Variants in RERE observed in about 807,000 individuals in gnomAD.
RERE encodes arginine-glutamic acid dipeptide repeats.
In RERE, 40 loss-of-function variants were observed where a neutral mutation model predicts 146.1. That is an observed-to-expected ratio of 0.27 (90% confidence interval 0.21 to 0.36). The LOEUF (loss-of-function observed/expected upper bound fraction) is 0.36, where lower values mean the gene tolerates loss of function less well. RERE is among the 10% of genes least tolerant of loss of function. The pLI is 1.00. For synonymous variants in RERE, 1,003 were observed against 866.0 expected, an observed-to-expected ratio of 1.16 and a Z score of -2.78; for missense variants, 1,933 against 2,138.7, an observed-to-expected ratio of 0.90 and a Z score of 1.90.
At chr1:8,506,373 A>C (rs957284070) in intron 8 of RERE, among the ~76,000 whole-genome samples, 1 of 152,266 alleles carries the variant, frequency 6.6e-6, no homozygotes, top group African/African-American at 2.4e-5. Flanking sequence ...TATCTTCTAT[A>C]AACTATGTGA....
rs1032929798 is a variant in RERE at position 8,767,763 on chromosome 1, C to T, written c.-145+49397G>A. 5.3e-5 allele frequency among the ~76,000 whole-genome samples: 8 copies of T among 151,802 alleles called. 1 individual carries two copies. Among genetic ancestry groups the T allele is most frequent in the African/African-American group, 1.9e-4 (8 of 41,310 alleles). Reference sequence around the variant, plus strand: ...GATCACTTGAAGGTCAGGAGTTCAACACCAGCCTGGCCAACATGGTGAAAC... The same window carrying T: ...GATCACTTGAAGGTCAGGAGTTCAATACCAGCCTGGCCAACATGGTGAAAC... On this transcript the variant is annotated intron_variant, in intron 1 of 22. Coordinates refer to ENST00000400908, the MANE Select transcript of RERE (RefSeq NM_001042681.2).
intron 4 of RERE, among the ~76,000 whole-genome samples, chr1:8,580,170 T>C (rs539340507): frequency 3.3e-5 from 5 of 152,338 alleles, no homozygotes; most frequent in South Asian, 2.1e-4. Flanking sequence ...TGTGAGCCTA[T>C]GTATACAGCT....
intron 4 of RERE, among the ~76,000 whole-genome samples, chr1:8,577,264 A>G (rs1431630516): frequency 6.6e-6 from 1 of 152,106 alleles, no homozygotes; most frequent in Non-Finnish European, 1.5e-5. Flanking sequence ...ACTATTTTTA[A>G]AAACTCACAG....
chr1:8,793,947 T>C (rs573105231), intron 1 of RERE, among the ~76,000 whole-genome samples: 53 of 151,994 alleles, frequency 3.5e-4, no homozygotes, highest in African/African-American at 1.3e-3. Context: ...ATGCCTGTAG[T>C]CCCACCTACT....
chr1:8,627,814 G>A (rs1014154134), intron 2 of RERE, among the ~76,000 whole-genome samples: 1 of 151,982 alleles, frequency 6.6e-6, no homozygotes, highest in African/African-American at 2.4e-5. Context: ...TTCATTTCCC[G>A]CTGCAAAGTT....
intron 1 of RERE, among the ~76,000 whole-genome samples, chr1:8,664,257 C>CT (rs1638521676): frequency 6.6e-6 from 1 of 152,208 alleles, no homozygotes. Context: ...TTTCCTTTCA[C>CT]TTTCTAGACA....
At chr1:8,572,867 CTG>C (rs1646238968) in intron 4 of RERE, among the ~76,000 whole-genome samples, 1 of 152,194 alleles carries the variant, frequency 6.6e-6, no homozygotes, top group African/African-American at 2.4e-5. Flanking sequence ...TTTATTTACA[CTG>C]TTATTTAATC....
At chr1:8,812,794 T>C (rs1483477770) in intron 1 of RERE, among the ~76,000 whole-genome samples, 1 of 152,226 alleles carries the variant, frequency 6.6e-6, no homozygotes, top group Non-Finnish European at 1.5e-5. Context: ...AAGTTAGCTA[T>C]ACAAATCACA....
intron 8 of RERE, 108 bp from the exon 9 acceptor site, chr1:8,497,637 TC>T: frequency 8.7e-7 from 1 of 1,147,574 alleles, no homozygotes; most frequent in Non-Finnish European, 1.3e-6. Flanking sequence ...TGAGACTCTT[TC>T]CTTGGACAGC....
chr1:8,710,803 C>A (rs1639652339), intron 1 of RERE, among the ~76,000 whole-genome samples: 1 of 152,138 alleles, frequency 6.6e-6, no homozygotes. Flanking sequence ...GCGTGAGCCA[C>A]CGTGCCTGGC....
In RERE at chr1:8,603,726, A is replaced by G. The variant is rs1646661924; in HGVS notation, c.522+10835T>C. ...TACTCAAGTTTCAAAAACATGAAAG[A>G]CCCTGGAACTGCATCAGAAGTTCCA... is the stretch of plus-strand genomic sequence containing the variant. On this transcript the variant is annotated intron_variant, in intron 4 of 22. Transcript: ENST00000400908. Among the ~76,000 whole-genome samples the G allele has an allele frequency of 2.0e-5, 3 of 152,118 alleles. No homozygotes were observed. In the South Asian group the frequency reaches 6.2e-4, roughly 32 times the overall value.
intron 12 of RERE, among the ~76,000 whole-genome samples, chr1:8,416,346 G>A (rs953722388): frequency 2.0e-5 from 3 of 152,136 alleles, no homozygotes; most frequent in Admixed American, 2.0e-4. Flanking sequence ...AGCACTTTGG[G>A]AGGCCAAGGC....
At chr1:8,679,534 T>C (rs1264877565) in intron 1 of RERE, among the ~76,000 whole-genome samples, 2 of 152,148 alleles carry the variant, frequency 1.3e-5, no homozygotes, top group African/African-American at 4.8e-5. Context: ...TATTATACCA[T>C]CACTCTGAAA....
chr1:8,442,386 TAA>T (rs1322977351), intron 11 of RERE, among the ~76,000 whole-genome samples: 70 of 109,228 alleles, frequency 6.4e-4, no homozygotes, highest in Admixed American at 8.9e-4. Context: ...GACTCCATCT[TAA>T]AAAAAAAAAA....
intron 1 of RERE, chr1:8,796,717 T>C (rs1641481180): frequency 6.6e-6 from 1 of 151,642 alleles, no homozygotes; most frequent in Non-Finnish European, 1.5e-5. Context: ...AAATATGACT[T>C]TCCAAACAGA....
intron 11 of RERE, chr1:8,424,278 C>A (rs1470967266): frequency 6.6e-6 from 1 of 152,260 alleles, no homozygotes; most frequent in Non-Finnish European, 1.5e-5. Flanking sequence ...TAAATCACCG[C>A]GGAAGCTTCC....
intron 7 of RERE, among the ~76,000 whole-genome samples, chr1:8,540,869 G>C (rs1285505604): frequency 2.6e-5 from 4 of 152,160 alleles, no homozygotes; most frequent in African/African-American, 7.2e-5. Flanking sequence ...TGGAAGGCTT[G>C]ACAGAATGTG....
chr1:8,569,989 T>C (rs563086281), intron 4 of RERE, among the ~76,000 whole-genome samples: 1 of 152,300 alleles, frequency 6.6e-6, no homozygotes, highest in South Asian at 2.1e-4. Context: ...TTAAAAATTA[T>C]TAAAGAGTCA....
intron 10 of RERE, among the ~76,000 whole-genome samples, chr1:8,477,579 C>T (rs955699159): frequency 1.3e-5 from 2 of 152,200 alleles, no homozygotes; most frequent in South Asian, 2.1e-4. Context: ...AAGCATCTCA[C>T]GTAGGCACTA....
Sources: allele counts gnomAD v4.1 joint callset (sites outside exome capture counted in the v4.1 genomes callset), GRCh38; gene constraint gnomAD v4.1.1; transcripts MANE v1.5; gene names NCBI Gene and HGNC (gene_info 2026-07-23, HGNC 2026-07-21).